GK5: variants seen among roughly 807,000 people sequenced by gnomAD.
GK5 encodes the protein ATP:glycerol 3-phosphotransferase 5.
A neutral mutation model predicts 77.3 loss-of-function variants in GK5; 39 were observed. The observed-to-expected ratio is 0.50, with a 90% confidence interval of 0.39 to 0.66. The LOEUF (loss-of-function observed/expected upper bound fraction) is 0.66. Among genes scored for constraint, GK5 ranks in the 30% least tolerant of loss-of-function variants. The pLI is 0.00. For synonymous variants in GK5, 211 were observed against 208.0 expected, an observed-to-expected ratio of 1.01 and a Z score of -0.13; for missense variants, 487 against 633.8, an observed-to-expected ratio of 0.77 and a Z score of 2.49.
At chr3:142,214,218 C>A (rs1235989041) in intron 2 of GK5, among the ~76,000 whole-genome samples, 1 of 151,974 alleles carries the variant, frequency 6.6e-6, no homozygotes, top group Non-Finnish European at 1.5e-5. Flanking sequence ...TTTATTTTTT[C>A]TTGGTAATAA....
At chr3:142,194,635 G>A (rs941455486) in intron 5 of GK5, among the ~76,000 whole-genome samples, 4 of 151,876 alleles carry the variant, frequency 2.6e-5, no homozygotes, top group Admixed American at 2.6e-4. Context: ...AGACTACAGT[G>A]AGCTGCGATC....
rs1214256538 is a variant in GK5 at position 142,162,167 on chromosome 3, A to G, written c.*3455T>C. Reference sequence around the variant, plus strand: ...ATTTATTTCAAGATACGATTAACTAATTTTTTTGCTAACAACCATTTCCTA... The same window carrying G: ...ATTTATTTCAAGATACGATTAACTAGTTTTTTTGCTAACAACCATTTCCTA... On this transcript the variant is annotated 3_prime_UTR_variant, in exon 16 of 16. Transcript: ENST00000392993. 6.6e-6 allele frequency: 1 copy of G among 152,122 alleles called. No homozygotes were observed. Among genetic ancestry groups the G allele is most frequent in the Non-Finnish European group, 1.5e-5 (1 of 68,032 alleles). 9.4% of individuals were successfully genotyped at this position (152,122 alleles called of 1,614,324 possible). A position where few individuals can be genotyped will look rare whatever the true frequency, so the allele number is the denominator to read the frequency against.
chr3:142,205,277 A>C (rs181660521), intron 3 of GK5, among the ~76,000 whole-genome samples: 26 of 152,318 alleles, frequency 1.7e-4, no homozygotes, highest in African/African-American at 6.0e-4. Flanking sequence ...TCAATACTAC[A>C]ATAAAAGTAC....
chr3:142,208,061 T>C (rs183696728), intron 3 of GK5, among the ~76,000 whole-genome samples: 308 of 152,342 alleles, frequency 2.0e-3, no homozygotes, highest in Admixed American at 3.5e-3. Context: ...CCACGTTACA[T>C]GCTGCAGGTG....
chr3:142,200,098 T>TACAC (rs202073717), intron 4 of GK5, among the ~76,000 whole-genome samples: 78 of 148,890 alleles, frequency 5.2e-4, no homozygotes, highest in African/African-American at 1.8e-3. Flanking sequence ...TATATATATA[T>TACAC]ACACACACAC....
At chr3:142,169,669 CTTTTTT>C (rs71304258) in intron 15 of GK5, among the ~76,000 whole-genome samples, 1 of 116,932 alleles carries the variant, frequency 8.6e-6, no homozygotes, top group Non-Finnish European at 1.8e-5. Flanking sequence ...CCTTACTGTT[CTTTTTT>C]TTTTTTTTTT....
Position 142,222,033 on chromosome 3 carries a change from T to C in GK5, c.147+3276A>G, listed in dbSNP as rs147996279. 7.6e-3 allele frequency among the ~76,000 whole-genome samples: 1,155 copies of C among 152,324 alleles called. 6 individuals carry two copies. The highest frequency in any genetic ancestry group is 0.021 in the African/African-American group (857 of 41,572). On this transcript the variant is annotated intron_variant, in intron 1 of 15. Transcript: ENST00000392993. ...AGGTTTCTATTATACATTCTTTCCA[T>C]TGGAATATTACAAGAGGTGTAATTT... is the stretch of plus-strand genomic sequence containing the variant.
intron 1 of GK5, among the ~76,000 whole-genome samples, chr3:142,217,798 G>A (rs2064292514): frequency 6.6e-6 from 1 of 152,154 alleles, no homozygotes; most frequent in Admixed American, 6.5e-5. Flanking sequence ...AATGACCGTG[G>A]ATTTCTCATC....
At chr3:142,221,944 CTTTAT>C (rs1454834122) in intron 1 of GK5, among the ~76,000 whole-genome samples, 2 of 152,098 alleles carry the variant, frequency 1.3e-5, no homozygotes, top group Non-Finnish European at 2.9e-5. Context: ...AGGGGAATCT[CTTTAT>C]TTTTTCTTTT....
chr3:142,199,871 C>T (rs2063991548), intron 4 of GK5, among the ~76,000 whole-genome samples: 1 of 152,000 alleles, frequency 6.6e-6, no homozygotes, highest in Non-Finnish European at 1.5e-5. Context: ...GTATTGCCCA[C>T]TTCTTGTTGA....
In GK5 at chr3:142,164,345, CT is replaced by C. The variant is rs1295138143; in HGVS notation, c.*1276del. On this transcript the variant is annotated 3_prime_UTR_variant, in exon 16 of 16. Coordinates refer to ENST00000392993, the MANE Select transcript of GK5 (RefSeq NM_001039547.3). ...CAAGAGAGAAATAAAGTCATTATTG[CT>C]GCAAATCCAAATGGAACCTAACCCA... 1.3e-5 allele frequency: 2 copies of C among 152,140 alleles called. No homozygotes were observed. Among genetic ancestry groups the C allele is most frequent in the Non-Finnish European group, 2.9e-5 (2 of 68,032 alleles). 9.4% of individuals were successfully genotyped at this position (152,140 alleles called of 1,614,324 possible). A position where few individuals can be genotyped will look rare whatever the true frequency, so the allele number is the denominator to read the frequency against.
intron 4 of GK5, among the ~76,000 whole-genome samples, chr3:142,200,197 A>AT (rs1261198055): frequency 6.6e-6 from 1 of 151,614 alleles, no homozygotes; most frequent in Non-Finnish European, 1.5e-5. Flanking sequence ...CCAGGCTTAC[A>AT]TTTTTTTGCT....
chr3:142,159,851 C>CTTTTTTTT lies in GK5; in HGVS notation c.*5770_*5771insAAAAAAAA, dbSNP rs1342546449. ...GCTTTCTCTCTCTCTCTCTCTCTCT[C>CTTTTTTTT]TCTTTTTTTTTTTTGAGACAGAGTC... On this transcript the variant is annotated 3_prime_UTR_variant, in exon 16 of 16. Transcript: ENST00000392993. 2.3e-3 allele frequency: 202 copies of CTTTTTTTT among 86,962 alleles called. 2 individuals are homozygous for CTTTTTTTT. The highest frequency in any genetic ancestry group is 8.9e-3 in the African/African-American group (196 of 22,140). 5.4% of individuals were successfully genotyped at this position (86,962 alleles called of 1,614,324 possible). A position where few individuals can be genotyped will look rare whatever the true frequency, so the allele number is the denominator to read the frequency against.
At chr3:142,172,051 T>C (rs561562687) in intron 13 of GK5, among the ~76,000 whole-genome samples, 15 of 152,292 alleles carry the variant, frequency 9.8e-5, no homozygotes, top group Non-Finnish European at 1.6e-4. Flanking sequence ...TGAATAAGGA[T>C]ACTAAACCTT....
chr3:142,170,971 G>A (rs926194135), intron 14 of GK5, among the ~76,000 whole-genome samples: 2 of 152,138 alleles, frequency 1.3e-5, no homozygotes, highest in African/African-American at 4.8e-5. Context: ...GCTCACACCT[G>A]TAATCCCAGC....
At chr3:142,210,245 T>C (rs865820415) in intron 3 of GK5, among the ~76,000 whole-genome samples, 1 of 152,228 alleles carries the variant, frequency 6.6e-6, no homozygotes. Context: ...AGGACAGAAA[T>C]GCACCATGGA....
At chr3:142,185,338 AG>A (rs1316427746) in intron 9 of GK5, 1 of 369,562 alleles carries the variant, frequency 2.7e-6, no homozygotes, top group African/African-American at 2.2e-5. Context: ...ACCTGAGCCC[AG>A]GAAGCCGAGG....
rs1342546449 is a variant in GK5 at position 142,159,851 on chromosome 3, C to CTTTTTTTTTTTTTTT, written c.*5770_*5771insAAAAAAAAAAAAAAA. ...GCTTTCTCTCTCTCTCTCTCTCTCT[C>CTTTTTTTTTTTTTTT]TCTTTTTTTTTTTTGAGACAGAGTC... On this transcript the variant is annotated 3_prime_UTR_variant, in exon 16 of 16. Transcript: ENST00000392993. 7 of 86,974 alleles carry CTTTTTTTTTTTTTTT rather than the reference C, an allele frequency of 8.0e-5. No homozygotes were observed. Among genetic ancestry groups the CTTTTTTTTTTTTTTT allele is most frequent in the African/African-American group, 2.7e-4 (6 of 22,110 alleles). 5.4% of individuals were successfully genotyped at this position (86,974 alleles called of 1,614,324 possible). A position where few individuals can be genotyped will look rare whatever the true frequency, so the allele number is the denominator to read the frequency against.
chr3:142,194,671 A>G (rs2063907417), intron 5 of GK5, among the ~76,000 whole-genome samples: 1 of 151,988 alleles, frequency 6.6e-6, no homozygotes, highest in Admixed American at 6.6e-5. Context: ...AGCCTGGGTG[A>G]CAGACTCTGT....
Sources: allele counts gnomAD v4.1 joint callset (sites outside exome capture counted in the v4.1 genomes callset), GRCh38; gene constraint gnomAD v4.1.1; transcripts MANE v1.5; gene names NCBI Gene and HGNC (gene_info 2026-07-23, HGNC 2026-07-21).